The following CFAP58 variants were observed in gnomAD, a reference collection of about 807,000 sequenced individuals.
The protein encoded by CFAP58 is cilia- and flagella-associated protein 58.
Under a neutral mutation model 119.5 loss-of-function variants are expected in CFAP58, and 88 were observed. That is an observed-to-expected ratio of 0.74 (90% CI 0.62 to 0.88). CFAP58 has a LOEUF of 0.88. Among genes scored for constraint, CFAP58 ranks in the 40% least tolerant of loss-of-function variants. CFAP58 has a pLI of 0.00. For synonymous variants in CFAP58, 365 were observed against 366.3 expected, an observed-to-expected ratio of 1.00 and a Z score of 0.04; for missense variants, 990 against 1,021.2, an observed-to-expected ratio of 0.97 and a Z score of 0.42.
At position 104,371,008 on chromosome 10, in the gene CFAP58, A is replaced by G. The variant is rs1190616100; in HGVS notation, c.1044A>G (p.Glu348=). Residue 348 remains glutamate, a synonymous_variant, in exon 7 of 18, where the codon GAA becomes GAG. Coordinates refer to ENST00000369704, the MANE Select transcript of CFAP58 (RefSeq NM_001008723.2). The stretch of plus-strand genomic sequence containing the variant: ...CCGAAGATCAAAAGGCAGAAGTCGA[A>G]CAGCACAAAGAAACCCTAAAAAATC... ...HHTEDQKAEV[E]QHKETLKNQI... is the part of the protein sequence containing the mutation. The G allele has an allele frequency of 1.2e-6, 2 of 1,613,488 alleles. No homozygotes were observed. The highest frequency in any genetic ancestry group is 1.7e-6 in the Non-Finnish European group (2 of 1,179,894).
In CFAP58 at chr10:104,414,993, T is replaced by C. The variant is rs139612810; in HGVS notation, c.2256+8200T>C. On this transcript the variant is annotated intron_variant, in intron 15 of 17. Transcript: ENST00000369704. The stretch of plus-strand genomic sequence containing the variant: ...GAATGGGCAGCAGGAATACCTTGTG[T>C]TGCCGGCCTGCCCACCGCAGTCACT... 3.1e-3 allele frequency among the ~76,000 whole-genome samples: 478 copies of C among 152,274 alleles called. 1 individual carries two copies. The highest frequency in any genetic ancestry group is 0.011 in the African/African-American group (461 of 41,562).
At chr10:104,384,309 G>T (rs1227024833) in intron 9 of CFAP58, among the ~76,000 whole-genome samples, 2 of 152,184 alleles carry the variant, frequency 1.3e-5, no homozygotes, top group African/African-American at 4.8e-5. Flanking sequence ...CTGGGACTTG[G>T]CATGTCACTG....
intron 7 of CFAP58, among the ~76,000 whole-genome samples, chr10:104,374,279 G>T (rs1225694178): frequency 1.3e-5 from 2 of 150,766 alleles, no homozygotes; most frequent in Non-Finnish European, 3.0e-5. Flanking sequence ...GGGCAATATG[G>T]CAAAACCCCA....
At chr10:104,377,478 C>T (rs1377821142) in intron 8 of CFAP58, among the ~76,000 whole-genome samples, 1 of 152,154 alleles carries the variant, frequency 6.6e-6, no homozygotes, top group Non-Finnish European at 1.5e-5. Flanking sequence ...TGTAGGACCC[C>T]TCCTTTTTCC....
chr10:104,405,005 T>C (rs1044903295), intron 14 of CFAP58, among the ~76,000 whole-genome samples: 2 of 152,200 alleles, frequency 1.3e-5, no homozygotes, highest in Admixed American at 6.5e-5. Flanking sequence ...TTTTTGTTTT[T>C]ACTTTTTATT....
At chr10:104,447,212 C>T (rs2133097844) in intron 15 of CFAP58, among the ~76,000 whole-genome samples, 1 of 151,634 alleles carries the variant, frequency 6.6e-6, no homozygotes, top group South Asian at 2.1e-4. Flanking sequence ...GAACCGGGGT[C>T]TCACTATGTT....
At chr10:104,390,200 AG>A (rs2012004704) in intron 9 of CFAP58, among the ~76,000 whole-genome samples, 1 of 152,228 alleles carries the variant, frequency 6.6e-6, no homozygotes, top group Admixed American at 6.5e-5. Context: ...AGCATGGTTC[AG>A]AGTGGCAAAA....
intron 13 of CFAP58, among the ~76,000 whole-genome samples, chr10:104,402,095 A>G (rs894349647): frequency 2.0e-5 from 3 of 152,090 alleles, no homozygotes; most frequent in Admixed American, 6.6e-5. Context: ...AACTTAATAA[A>G]TGTTGGAGGT....
At chr10:104,389,779 A>T (rs1430583510) in intron 9 of CFAP58, among the ~76,000 whole-genome samples, 1 of 152,212 alleles carries the variant, frequency 6.6e-6, no homozygotes, top group Non-Finnish European at 1.5e-5. Context: ...TGGGGGAGTG[A>T]ATGAATAAGT....
rs994404066 is a variant in CFAP58 at position 104,434,930 on chromosome 10, G to T, written c.2257-12768G>T. Among the ~76,000 whole-genome samples, 15 of 152,262 alleles carry T rather than the reference G, an allele frequency of 9.9e-5. No homozygotes were observed. The East Asian group carries it at 2.5e-3, about 25-fold the overall frequency. ...CTCTAGGACTTGTGACCTTGGTCAG[G>T]TTACTTGTTTCCTCATCTGTAAAAT... On this transcript the variant is annotated intron_variant, in intron 15 of 17. Coordinates refer to ENST00000369704, the MANE Select transcript of CFAP58 (RefSeq NM_001008723.2).
At chr10:104,430,401 A>G (rs2012825903) in intron 15 of CFAP58, among the ~76,000 whole-genome samples, 1 of 152,222 alleles carries the variant, frequency 6.6e-6, no homozygotes, top group Admixed American at 6.5e-5. Context: ...GCCTGACAAC[A>G]AAAGGTTGTT....
In CFAP58 at chr10:104,354,631, A is replaced by G. The variant is rs150044821; in HGVS notation, c.9+725A>G. ...GTCCCCATCCACTATGGCCCTACCC[A>G]AATCCTTCATGGCCCCATCAGAGCC... On this transcript the variant is annotated intron_variant, in intron 1 of 17. Coordinates refer to ENST00000369704, the MANE Select transcript of CFAP58 (RefSeq NM_001008723.2). Among the ~76,000 whole-genome samples, 390 of 151,966 alleles carry G rather than the reference A, an allele frequency of 2.6e-3. 1 individual carries two copies. The highest frequency in any genetic ancestry group is 9.1e-3 in the African/African-American group (377 of 41,426).
chr10:104,425,569 TC>T (rs1198879802), intron 15 of CFAP58, among the ~76,000 whole-genome samples: 1 of 152,202 alleles, frequency 6.6e-6, no homozygotes, highest in Non-Finnish European at 1.5e-5. Flanking sequence ...ATGTATGTTA[TC>T]CTCATAAGAA....
rs963484397 is a variant in CFAP58 at position 104,454,519 on chromosome 10, A to C, written c.2608A>C (p.Met870Leu). The C allele has an allele frequency of 6.2e-7, 1 of 1,612,848 alleles. No individual in the cohort carries two copies. The highest frequency in any genetic ancestry group is 1.3e-5 in the African/African-American group (1 of 74,890). Residue 870 changes from methionine to leucine, a missense_variant, in exon 18 of 18, where the codon ATG becomes CTG. By Grantham distance (15) the Met-to-Leu change is conservative (BLOSUM62 2). Coordinates refer to ENST00000369704, the MANE Select transcript of CFAP58 (RefSeq NM_001008723.2). The stretch of plus-strand genomic sequence containing the variant: ...CGGATTTCCTCTCAGGTCAACCAAA[A>C]TGACGTTCTAACCTGAAGCTGCTGG... ...GGGFPLRSTK[M>L]TF
intron 2 of CFAP58, 75 bp downstream of exon 2, chr10:104,358,697 T>C (rs2014628858): frequency 1.5e-6 from 2 of 1,322,794 alleles, no homozygotes; most frequent in Non-Finnish European, 2.1e-6. Context: ...ACCTCTAGGC[T>C]GGTAGTAAAT....
chr10:104,452,854 G>GT (rs2013217101), intron 17 of CFAP58, among the ~76,000 whole-genome samples: 1 of 152,152 alleles, frequency 6.6e-6, no homozygotes, highest in Non-Finnish European at 1.5e-5. Flanking sequence ...CTCTGACCTA[G>GT]TTAGGGTTCC....
rs2011824462 is a variant in CFAP58, at chr10:104,382,147, T to A, written c.1365+1927T>A. The stretch of plus-strand genomic sequence containing the variant: ...CCAGGCTGACTCTGTCAGGATGCCC[T>A]GGCCTCTGGACAAAGGGAAATGGTG... On this transcript the variant is annotated intron_variant, in intron 9 of 17. Transcript: ENST00000369704. The A allele has an allele frequency of 4.2e-6, 3 of 717,288 alleles. No individual in the cohort carries two copies. In the Admixed American group the frequency reaches 6.0e-5, roughly 14 times the overall value. 44.4% of individuals were successfully genotyped at this position (717,288 alleles called of 1,614,324 possible).
chr10:104,435,779 T>C (rs564623013), intron 15 of CFAP58, among the ~76,000 whole-genome samples: 202 of 152,332 alleles, frequency 1.3e-3, no homozygotes, highest in African/African-American at 4.8e-3. Context: ...CACTGGTATG[T>C]AGATAAAGTC....
chr10:104,358,689 C>A, intron 2 of CFAP58, 67 bp downstream of exon 2: 2 of 1,432,926 alleles, frequency 1.4e-6, no homozygotes, highest in South Asian at 1.3e-5. Flanking sequence ...ATATTGGCAC[C>A]TCTAGGCTGG....
Sources: allele counts gnomAD v4.1 joint callset (sites outside exome capture counted in the v4.1 genomes callset), GRCh38; gene constraint gnomAD v4.1.1; transcripts MANE v1.5; gene names NCBI Gene and HGNC (gene_info 2026-07-23, HGNC 2026-07-21).